Variants in FAAH2 observed in about 807,000 individuals in gnomAD.
FAAH2 encodes fatty-acid amide hydrolase 2.
In FAAH2, 60 loss-of-function variants were observed where a neutral mutation model predicts 36.9. The ratio of observed to expected loss-of-function variants is 1.63; its 90% CI spans 1.32 to 2.02. The LOEUF (loss-of-function observed/expected upper bound fraction) is 2.02. Among genes scored for constraint, FAAH2 ranks in the 30% most tolerant of loss-of-function variants. The pLI is 0.00. For missense variants in FAAH2, 689 were observed against 397.5 expected, an observed-to-expected ratio of 1.73 and a Z score of -6.23; for synonymous variants, 214 against 143.8, an observed-to-expected ratio of 1.49 and a Z score of -3.49.
chrX:57,435,194 A>G (rs1490140256), intron 8 of FAAH2, among the ~76,000 whole-genome samples: 2 of 111,746 alleles, frequency 1.8e-5, no homozygotes, highest in Non-Finnish European at 1.9e-5. Flanking sequence ...AAACTCAATG[A>G]TATTATAAAA....
At chrX:57,126,680 T>C in the FAAH2 span, among the ~76,000 whole-genome samples, 49 of 111,685 alleles carry the variant, frequency 4.4e-4, no homozygotes, top group Non-Finnish European at 7.9e-4. Context: ...TGACTGACTT[T>C]TGAATATTCA....
chrX:57,380,567 A>G (rs912536680), intron 6 of FAAH2, among the ~76,000 whole-genome samples: 2 of 111,739 alleles, frequency 1.8e-5, no homozygotes, highest in Non-Finnish European at 3.8e-5. Flanking sequence ...GCTGAGTCAT[A>G]TTGAAATTAC....
At chrX:57,199,047 A>C in the FAAH2 span, among the ~76,000 whole-genome samples, 1 of 109,247 alleles carries the variant, frequency 9.2e-6, no homozygotes, top group Non-Finnish European at 1.9e-5. Flanking sequence ...TTCTTGGAGC[A>C]AAAGTTCAGA....
chrX:57,254,256 G>T, the FAAH2 span, among the ~76,000 whole-genome samples: 1 of 111,833 alleles, frequency 8.9e-6, no homozygotes, highest in Non-Finnish European at 1.9e-5. Flanking sequence ...CAATACAGGA[G>T]CACCCAGATT....
At chrX:57,121,674 C>T in the FAAH2 span, 1 of 112,640 alleles carries the variant, frequency 8.9e-6, no homozygotes, top group South Asian at 3.7e-4. Context: ...GAGCTATGGG[C>T]TCTGACTCCG....
chrX:57,428,177 C>T (rs2056208046), intron 7 of FAAH2, among the ~76,000 whole-genome samples: 1 of 111,742 alleles, frequency 8.9e-6, no homozygotes, highest in Non-Finnish European at 1.9e-5. Context: ...ATCTGGAATG[C>T]ATTTAACCAA....
intron 1 of FAAH2, among the ~76,000 whole-genome samples, chrX:57,287,765 T>C (rs2051850909): frequency 8.9e-6 from 1 of 111,850 alleles, no homozygotes; most frequent in African/African-American, 3.2e-5. Flanking sequence ...GTATTGTTTA[T>C]TTATACTCTG....
chrX:57,203,645 A>G, the FAAH2 span, among the ~76,000 whole-genome samples: 1 of 112,080 alleles, frequency 8.9e-6, no homozygotes, highest in Non-Finnish European at 1.9e-5. Flanking sequence ...ACACAGATTA[A>G]TAACACAATC....
At chrX:57,442,073 A>T (rs1271214508) in intron 8 of FAAH2, among the ~76,000 whole-genome samples, 1 of 111,658 alleles carries the variant, frequency 9.0e-6, no homozygotes, top group Non-Finnish European at 1.9e-5. Flanking sequence ...TGCTGAGAAT[A>T]ATGTATATTC....
chrX:57,427,932 G>A (rs1269769337), intron 7 of FAAH2, among the ~76,000 whole-genome samples: 3 of 111,450 alleles, frequency 2.7e-5, no homozygotes, highest in Admixed American at 9.5e-5. Context: ...AGAAATAAAA[G>A]CCCTCTGAAT....
At chrX:57,157,447 C>T in the FAAH2 span, among the ~76,000 whole-genome samples, 4 of 111,556 alleles carry the variant, frequency 3.6e-5, no homozygotes, top group African/African-American at 1.3e-4. Flanking sequence ...TCTAAATGCT[C>T]CCTCCATGGG....
the FAAH2 span, chrX:57,136,352 AAG>A: frequency 1.3e-5 from 14 of 1,109,748 alleles, no homozygotes; most frequent in African/African-American, 2.6e-5. Context: ...TCACCAGATA[AAG>A]AGAGGGATTT....
intron 8 of FAAH2, among the ~76,000 whole-genome samples, chrX:57,443,434 C>A (rs1229378943): frequency 8.9e-6 from 1 of 112,206 alleles, no homozygotes; most frequent in Admixed American, 9.5e-5. Context: ...TCACGTAGTT[C>A]TCGTGCCATG....
chrX:57,414,813 C>T (rs1443798291), intron 7 of FAAH2, among the ~76,000 whole-genome samples: 2 of 101,800 alleles, frequency 2.0e-5, no homozygotes, highest in Non-Finnish European at 3.9e-5. Flanking sequence ...CCTTGTACCT[C>T]TGGTAGAATT....
At chrX:57,393,649 G>C in intron 7 of FAAH2, 1 of 962,332 alleles carries the variant, frequency 1.0e-6, no homozygotes. Context: ...CAGCACTGAC[G>C]GGGTCTCCTT....
chrX:57,246,873 A>G, the FAAH2 span, among the ~76,000 whole-genome samples: 1 of 111,654 alleles, frequency 9.0e-6, no homozygotes, highest in African/African-American at 3.3e-5. Context: ...TAGTGGGTTG[A>G]GCTGCAGTGC....
At chrX:57,284,396 AAACAACAACAACAAC>A (rs201402751), upstream of FAAH2, among the ~76,000 whole-genome samples, 3 of 107,108 alleles carry the variant, frequency 2.8e-5, no homozygotes, top group Non-Finnish European at 3.8e-5. Context: ...TAACAAAACA[AAACAACAACAACAAC>A]AACAACAACA....
At chrX:57,450,112 G>A (rs1462273381) in intron 10 of FAAH2, among the ~76,000 whole-genome samples, 2 of 111,152 alleles carry the variant, frequency 1.8e-5, no homozygotes, top group African/African-American at 6.5e-5. Flanking sequence ...TATACCTTTT[G>A]GGGAGGATTT....
chrX:57,439,416 G>A, intron 8 of FAAH2, among the ~76,000 whole-genome samples: 1 of 111,804 alleles, frequency 8.9e-6, no homozygotes, highest in East Asian at 2.8e-4. Flanking sequence ...AGAAGTGTCT[G>A]TTCATATCCT....
Sources: gnomAD v4.1 joint callset for allele counts (sites outside exome capture counted in the v4.1 genomes callset) on GRCh38, gnomAD v4.1.1 for gene constraint, MANE v1.5 for transcripts, NCBI Gene and HGNC (gene_info 2026-07-23, HGNC 2026-07-21) for gene names.